The following TENM4 variants were observed in gnomAD, a reference collection of about 807,000 sequenced individuals.
TENM4 encodes teneurin-4.
TENM4 carries 82 observed loss-of-function variants against 243.3 expected under a neutral mutation model. That is an observed-to-expected ratio of 0.34 (90% confidence interval 0.28 to 0.40). The LOEUF (loss-of-function observed/expected upper bound fraction) is 0.40. Ranked by LOEUF, TENM4 falls within the 10% of genes least tolerant of loss-of-function variation. TENM4 has a pLI of 1.00. For missense variants in TENM4, 3,138 were observed against 3,673.3 expected, an observed-to-expected ratio of 0.85 and a Z score of 3.77; for synonymous variants, 1,412 against 1,456.3, an observed-to-expected ratio of 0.97 and a Z score of 0.69.
intron 4 of TENM4, among the ~76,000 whole-genome samples, chr11:79,123,384 C>G (rs1242849925): frequency 6.6e-6 from 1 of 152,142 alleles, no homozygotes; most frequent in East Asian, 1.9e-4. Flanking sequence ...GGGTTCAACC[C>G]AGGTAGTCTG....
chr11:79,281,354 C>T (rs1398046945), intron 2 of TENM4, among the ~76,000 whole-genome samples: 1 of 152,184 alleles, frequency 6.6e-6, no homozygotes, highest in Non-Finnish European at 1.5e-5. Flanking sequence ...GAACCCAGGT[C>T]TGTGTAGCTC....
intron 26 of TENM4, 96 bp downstream of exon 26, chr11:78,712,386 T>C: frequency 1.6e-6 from 2 of 1,219,058 alleles, no homozygotes; most frequent in Non-Finnish European, 2.3e-6. Context: ...CTTGGTATTT[T>C]CCAAAAATTT....
intron 2 of TENM4, among the ~76,000 whole-genome samples, chr11:79,216,214 G>C (rs1488143078): frequency 6.6e-6 from 1 of 152,156 alleles, no homozygotes; most frequent in Non-Finnish European, 1.5e-5. Flanking sequence ...ACCTTTCCTT[G>C]AGTGAACTGA....
At chr11:79,297,987 C>G (rs1856484367) in intron 1 of TENM4, among the ~76,000 whole-genome samples, 1 of 150,908 alleles carries the variant, frequency 6.6e-6, no homozygotes. Context: ...CAGAGGCTAT[C>G]AAGATATCCC....
At chr11:79,373,865 T>G (rs1338224495) in intron 1 of TENM4, among the ~76,000 whole-genome samples, 3 of 152,144 alleles carry the variant, frequency 2.0e-5, no homozygotes, top group Non-Finnish European at 4.4e-5. Context: ...GCAAATATAT[T>G]TATTTCAAAG....
chr11:78,728,162 T>C (rs937252059), intron 22 of TENM4, among the ~76,000 whole-genome samples: 4 of 152,160 alleles, frequency 2.6e-5, no homozygotes, highest in African/African-American at 7.2e-5. Context: ...ACAGAAGGGA[T>C]CATGAACAGT....
intron 2 of TENM4, among the ~76,000 whole-genome samples, chr11:79,239,162 C>A (rs4343056): frequency 0.23 from 35,302 of 152,104 alleles, 4,447 homozygotes; most frequent in East Asian, 0.33. Context: ...CTAGGTGGGG[C>A]CACATTTTAT....
intron 19 of TENM4, among the ~76,000 whole-genome samples, chr11:78,755,026 G>A (rs546630404): frequency 3.0e-4 from 45 of 152,182 alleles, no homozygotes; most frequent in Non-Finnish European, 5.4e-4. Flanking sequence ...ATCCCGCTCC[G>A]TCATGTTCCA....
intron 26 of TENM4, among the ~76,000 whole-genome samples, chr11:78,710,705 C>T (rs1035171678): frequency 6.6e-6 from 1 of 152,162 alleles, no homozygotes; most frequent in Admixed American, 6.5e-5. Context: ...AATTTTTCTC[C>T]TTTTGTTGTG....
At chr11:79,420,796 G>A (rs1858915586) in intron 1 of TENM4, among the ~76,000 whole-genome samples, 1 of 152,124 alleles carries the variant, frequency 6.6e-6, no homozygotes, top group Non-Finnish European at 1.5e-5. Context: ...TTGAAACCTA[G>A]TCCCTGGAGC....
chr11:79,364,307 C>A (rs146116676), intron 1 of TENM4, among the ~76,000 whole-genome samples: 1 of 152,294 alleles, frequency 6.6e-6, no homozygotes, highest in South Asian at 2.1e-4. Flanking sequence ...CAGCACCCCC[C>A]GGCCCAATGG....
chr11:79,119,377 C>T (rs112815891), intron 4 of TENM4, among the ~76,000 whole-genome samples: 2,234 of 151,002 alleles, frequency 0.015, 51 homozygotes, highest in African/African-American at 0.051. Context: ...TCATTATTGT[C>T]CTTGTTGTTA....
chr11:78,903,178 G>T, intron 7 of TENM4, 90 bp downstream of exon 7: 1 of 1,416,644 alleles, frequency 7.1e-7, no homozygotes, highest in Non-Finnish European at 9.2e-7. Flanking sequence ...CGTTATCTGG[G>T]GACACTGAAT....
At chr11:79,215,948 G>A (rs540661055) in intron 2 of TENM4, 39 bp from the exon 3 acceptor site, 35 of 780,648 alleles carry the variant, frequency 4.5e-5, no homozygotes, top group South Asian at 1.2e-4. Context: ...TGAGTGAGGT[G>A]GCAAGATGCC....
chr11:79,145,116 A>G (rs1390284974), intron 4 of TENM4, among the ~76,000 whole-genome samples: 1 of 152,086 alleles, frequency 6.6e-6, no homozygotes. Flanking sequence ...AATACATTTC[A>G]TACCTCAACT....
At chr11:79,171,591 G>C (rs560575715) in intron 3 of TENM4, among the ~76,000 whole-genome samples, 4 of 152,318 alleles carry the variant, frequency 2.6e-5, no homozygotes, top group African/African-American at 7.2e-5. Context: ...GGGAAGGAGA[G>C]AGGAAGAGGA....
intron 1 of TENM4, among the ~76,000 whole-genome samples, chr11:79,314,755 A>G (rs1372210628): frequency 6.6e-6 from 1 of 152,178 alleles, no homozygotes; most frequent in Non-Finnish European, 1.5e-5. Flanking sequence ...TAATCCATAT[A>G]CTCATGGAGC....
intron 3 of TENM4, among the ~76,000 whole-genome samples, chr11:79,174,713 G>A (rs529647591): frequency 6.6e-6 from 1 of 152,306 alleles, no homozygotes; most frequent in East Asian, 1.9e-4. Flanking sequence ...AAATTGCTGT[G>A]TTGCTATGTA....
chr11:79,420,701 T>C (rs961322527), intron 1 of TENM4, among the ~76,000 whole-genome samples: 1 of 152,126 alleles, frequency 6.6e-6, no homozygotes, highest in Admixed American at 6.6e-5. Context: ...GGGGGATGGT[T>C]ATTTGCTCCT....
Sources: gnomAD v4.1 joint callset for allele counts (sites outside exome capture counted in the v4.1 genomes callset) on GRCh38, gnomAD v4.1.1 for gene constraint, MANE v1.5 for transcripts, NCBI Gene and HGNC (gene_info 2026-07-23, HGNC 2026-07-21) for gene names.